STK3: variants seen among roughly 807,000 people sequenced by gnomAD.
The protein encoded by STK3 is serine/threonine-protein kinase 3.
In STK3, 41 loss-of-function variants were observed where a neutral mutation model predicts 58.0. The ratio of observed to expected loss-of-function variants is 0.71; its 90% CI spans 0.55 to 0.92. The LOEUF is 0.92. Ranked by LOEUF, STK3 falls within the 40% of genes least tolerant of loss-of-function variation. The probability of loss-of-function intolerance (pLI) is 0.00; values close to 1 mark genes in which losing one functional copy is unlikely to be tolerated. For missense variants in STK3, 479 were observed against 602.7 expected, an observed-to-expected ratio of 0.79 and a Z score of 2.15; for synonymous variants, 170 against 191.0, an observed-to-expected ratio of 0.89 and a Z score of 0.91.
chr8:98,676,923 T>C (rs1038720482), intron 6 of STK3, among the ~76,000 whole-genome samples: 46 of 152,170 alleles, frequency 3.0e-4, no homozygotes, highest in Admixed American at 2.0e-3. Flanking sequence ...GAACCACCAC[T>C]ACAGCTAACC....
intron 2 of STK3, among the ~76,000 whole-genome samples, chr8:98,378,469 T>A (rs1817697903): frequency 6.6e-6 from 1 of 152,374 alleles, no homozygotes; most frequent in Non-Finnish European, 1.5e-5. Context: ...TGCTGCTTAC[T>A]GTCTGTGTGA....
upstream of STK3, among the ~76,000 whole-genome samples, chr8:98,829,163 C>A (rs1196531911): frequency 6.6e-6 from 1 of 152,098 alleles, no homozygotes; most frequent in Non-Finnish European, 1.5e-5. Context: ...GTGAGGTGAC[C>A]TAGGGCTAGC....
At chr8:98,775,325 C>T (rs1831604972) in intron 1 of STK3, among the ~76,000 whole-genome samples, 1 of 152,132 alleles carries the variant, frequency 6.6e-6, no homozygotes, top group Admixed American at 6.5e-5. Flanking sequence ...AAGCACATAA[C>T]ACAATTTAAG....
intron 4 of STK3, among the ~76,000 whole-genome samples, chr8:98,708,467 A>G (rs1457882671): frequency 7.9e-5 from 12 of 152,134 alleles, no homozygotes; most frequent in Non-Finnish European, 1.3e-4. Context: ...TTGAGAACTC[A>G]GAAGAAAAAA....
At chr8:98,617,522 G>A (rs1012129957) in intron 6 of STK3, among the ~76,000 whole-genome samples, 1 of 150,052 alleles carries the variant, frequency 6.7e-6, no homozygotes, top group Admixed American at 6.6e-5. Flanking sequence ...ATGAATCCAG[G>A]AGCTGGTTTT....
intron 3 of STK3, among the ~76,000 whole-genome samples, chr8:98,873,256 C>T (rs1006708597): frequency 3.9e-5 from 6 of 152,180 alleles, no homozygotes; most frequent in Non-Finnish European, 8.8e-5. Flanking sequence ...GCTTTACTTC[C>T]AACTACGTGG....
At chr8:98,445,197 C>T (rs537384746) in intron 1 of STK3, among the ~76,000 whole-genome samples, 1 of 152,264 alleles carries the variant, frequency 6.6e-6, no homozygotes, top group South Asian at 2.1e-4. Flanking sequence ...CCCAAAAATC[C>T]TGTCCCCATT....
chr8:98,589,344 G>A (rs1185181105), intron 7 of STK3, among the ~76,000 whole-genome samples: 1 of 152,204 alleles, frequency 6.6e-6, no homozygotes, highest in Non-Finnish European at 1.5e-5. Flanking sequence ...CAGGTCTGTT[G>A]GAGTAACCTG....
At chr8:98,823,275 C>T (rs899702959) in intron 1 of STK3, among the ~76,000 whole-genome samples, 3 of 152,020 alleles carry the variant, frequency 2.0e-5, no homozygotes, top group East Asian at 1.9e-4. Context: ...TGAACATCAA[C>T]GACATCGATA....
In STK3 at chr8:98,584,926, G is replaced by A. The variant is rs1225851316; in HGVS notation, c.823-5137C>T. Among the ~76,000 whole-genome samples, 1,071 of 151,368 alleles carry A rather than the reference G, an allele frequency of 7.1e-3. 10 individuals are homozygous for A. Among genetic ancestry groups the A allele is most frequent in the African/African-American group, 0.023 (948 of 41,366 alleles). Reference sequence around the variant, plus strand: ...TGAGAAGTGTCTGTTCATGTCCTTCGCCCACTTTTTGATGGGGTTGTTTTT... The same window carrying A: ...TGAGAAGTGTCTGTTCATGTCCTTCACCCACTTTTTGATGGGGTTGTTTTT... On this transcript the variant is annotated intron_variant, in intron 7 of 10. Transcript: ENST00000419617.
intron 6 of STK3, among the ~76,000 whole-genome samples, chr8:98,694,910 C>T (rs1246890347): frequency 6.6e-6 from 1 of 152,126 alleles, no homozygotes; most frequent in Non-Finnish European, 1.5e-5. Context: ...GTCCTAGATC[C>T]CTGAAGAATC....
At chr8:98,520,907 T>C (rs1825312863) in intron 10 of STK3, among the ~76,000 whole-genome samples, 1 of 152,134 alleles carries the variant, frequency 6.6e-6, no homozygotes, top group Non-Finnish European at 1.5e-5. Flanking sequence ...ACTTACGCTG[T>C]GCTCCACCTA....
At chr8:98,884,765 G>A (rs1432836228) in intron 1 of STK3, among the ~76,000 whole-genome samples, 1 of 152,140 alleles carries the variant, frequency 6.6e-6, no homozygotes, top group Non-Finnish European at 1.5e-5. Context: ...TCCCCCATTA[G>A]AATATAAGTT....
intron 1 of STK3, among the ~76,000 whole-genome samples, chr8:98,805,555 CAA>C (rs2131645633): frequency 6.6e-6 from 1 of 151,944 alleles, no homozygotes; most frequent in East Asian, 1.9e-4. Flanking sequence ...GCCTGGGCGA[CAA>C]GAGCAAAACT....
chr8:98,507,946 C>T (rs1824218538), intron 10 of STK3, among the ~76,000 whole-genome samples: 1 of 152,190 alleles, frequency 6.6e-6, no homozygotes, highest in African/African-American at 2.4e-5. Context: ...ACACCGGCCT[C>T]ATTACCTTAC....
At chr8:98,398,644 C>A (rs1283981788), downstream of STK3, among the ~76,000 whole-genome samples, 5 of 152,136 alleles carry the variant, frequency 3.3e-5, no homozygotes, top group Admixed American at 3.3e-4. Context: ...GGACACAGAC[C>A]TCACATTCCA....
chr8:98,545,691 T>C (rs2131575611), intron 9 of STK3, among the ~76,000 whole-genome samples: 1 of 152,288 alleles, frequency 6.6e-6, no homozygotes, highest in Non-Finnish European at 1.5e-5. Context: ...GATGAAATTC[T>C]AAATCTTCAG....
intron 8 of STK3, among the ~76,000 whole-genome samples, chr8:98,553,675 C>T (rs1811374935): frequency 6.6e-6 from 1 of 152,022 alleles, no homozygotes. Context: ...CTTTTTAATT[C>T]TCTTTCGGCT....
At chr8:98,841,315 C>T (rs1246473733) in intron 3 of STK3, among the ~76,000 whole-genome samples, 1 of 152,162 alleles carries the variant, frequency 6.6e-6, no homozygotes, top group Non-Finnish European at 1.5e-5. Flanking sequence ...GTGGTGATGG[C>T]TTCACAAATG....
Sources: allele counts gnomAD v4.1 joint callset (sites outside exome capture counted in the v4.1 genomes callset), GRCh38; gene constraint gnomAD v4.1.1; transcripts MANE v1.5; gene names NCBI Gene and HGNC (gene_info 2026-07-23, HGNC 2026-07-21).